The following AKT3 variants were observed in gnomAD, a reference collection of about 807,000 sequenced individuals.
AKT3 encodes the protein AKT serine/threonine kinase 3.
A neutral mutation model predicts 65.3 loss-of-function variants in AKT3; 15 were observed. The observed-to-expected ratio is 0.23, with a 90% CI of 0.15 to 0.35. The LOEUF (loss-of-function observed/expected upper bound fraction) is 0.35, where lower values mean the gene tolerates loss of function less well. AKT3 is among the 10% of genes least tolerant of loss of function. AKT3 has a pLI of 1.00. For missense variants in AKT3, 243 were observed against 576.5 expected (o/e 0.42, Z 5.92); for synonymous variants, 206 against 183.8 (o/e 1.12, Z -0.98).
chr1:243,788,291 A>G (rs1040279811), intron 2 of AKT3, among the ~76,000 whole-genome samples: 7 of 152,226 alleles, frequency 4.6e-5, no homozygotes, highest in Admixed American at 6.5e-5. Context: ...ATAATAGTAG[A>G]TGTCATGTAT....
intron 3 of AKT3, among the ~76,000 whole-genome samples, chr1:243,668,995 A>C (rs1682991132): frequency 6.6e-6 from 1 of 152,204 alleles, no homozygotes; most frequent in Non-Finnish European, 1.5e-5. Context: ...TATTCCACAA[A>C]AAATAAGCAA....
At chr1:243,612,754 T>C (rs1677962630) in intron 8 of AKT3, 1 of 152,096 alleles carries the variant, frequency 6.6e-6, no homozygotes, top group African/African-American at 2.4e-5. Context: ...AATATAGTCA[T>C]GGTAGGCCCG....
At chr1:243,657,094 G>A (rs531802639) in intron 4 of AKT3, among the ~76,000 whole-genome samples, 5 of 152,310 alleles carry the variant, frequency 3.3e-5, no homozygotes, top group South Asian at 2.1e-4. Context: ...CCCCAAAGGT[G>A]ATGGTATTAG....
At chr1:243,778,136 A>T (rs960182843) in intron 2 of AKT3, among the ~76,000 whole-genome samples, 1 of 152,194 alleles carries the variant, frequency 6.6e-6, no homozygotes, top group African/African-American at 2.4e-5. Flanking sequence ...GTCTCCATTA[A>T]AGACTATAAG....
chr1:243,692,698 A>C lies in AKT3; in HGVS notation c.172+2893T>G, dbSNP rs191907050. On this transcript the variant is annotated intron_variant, in intron 3 of 13. Coordinates refer to ENST00000673466, the MANE Select transcript of AKT3 (RefSeq NM_005465.7). The stretch of plus-strand genomic sequence containing the variant: ...GGTTGCAGTGAGCCAAGATCATGCC[A>C]TTGCACTCCAGCCCGGGGGACAGAG... 1.3e-3 allele frequency among the ~76,000 whole-genome samples: 203 copies of C among 152,136 alleles called. 1 individual carries two copies. The highest frequency in any genetic ancestry group is 4.8e-3 in the African/African-American group (198 of 41,502).
At chr1:243,518,795 A>C (rs933108101) in intron 12 of AKT3, among the ~76,000 whole-genome samples, 1 of 152,248 alleles carries the variant, frequency 6.6e-6, no homozygotes, top group Non-Finnish European at 1.5e-5. Flanking sequence ...CACAGATTTC[A>C]AAAAATTTCT....
chr1:243,513,678 T>A (rs1457853862), intron 12 of AKT3, among the ~76,000 whole-genome samples: 6 of 152,206 alleles, frequency 3.9e-5, no homozygotes, highest in African/African-American at 1.2e-4. Context: ...TCTTTCTGTT[T>A]ACCCCCAGCA....
chr1:243,515,707 C>A (rs550046576), intron 12 of AKT3, among the ~76,000 whole-genome samples: 1 of 152,082 alleles, frequency 6.6e-6, no homozygotes, highest in Non-Finnish European at 1.5e-5. Flanking sequence ...AATCTCTTTG[C>A]GGGCCAGGTG....
chr1:243,783,905 G>T (rs1209521828), intron 2 of AKT3, among the ~76,000 whole-genome samples: 2 of 152,060 alleles, frequency 1.3e-5, no homozygotes, highest in Admixed American at 6.5e-5. Flanking sequence ...ACAAATTCCA[G>T]CTTTTTAGTA....
intron 6 of AKT3, among the ~76,000 whole-genome samples, chr1:243,635,497 A>G (rs938633023): frequency 2.0e-5 from 3 of 152,008 alleles, no homozygotes; most frequent in Non-Finnish European, 2.9e-5. Context: ...GATTAACAAA[A>G]TTGATAAACC....
At chr1:243,554,845 T>A (rs1673305572) in intron 10 of AKT3, among the ~76,000 whole-genome samples, 1 of 152,034 alleles carries the variant, frequency 6.6e-6, no homozygotes, top group Non-Finnish European at 1.5e-5. Flanking sequence ...CGAACCCACA[T>A]TTCACCAGCC....
chr1:243,509,795 C>T (rs148878706), intron 13 of AKT3, among the ~76,000 whole-genome samples: 37 of 152,180 alleles, frequency 2.4e-4, no homozygotes, highest in East Asian at 1.2e-3. Flanking sequence ...CCTAAAGAGA[C>T]GGCTTCTCAG....
intron 8 of AKT3, among the ~76,000 whole-genome samples, chr1:243,601,912 GCTTCTTCTGTTTTC>G (rs926890493): frequency 1.1e-4 from 16 of 152,048 alleles, no homozygotes; most frequent in Non-Finnish European, 1.6e-4. Context: ...TACATATGTT[GCTTCTTCTGTTTTC>G]CCTCCCTTGA....
intron 2 of AKT3, among the ~76,000 whole-genome samples, chr1:243,722,894 G>A (rs1337024027): frequency 6.6e-6 from 1 of 151,938 alleles, no homozygotes; most frequent in African/African-American, 2.4e-5. Context: ...AAATTATCAA[G>A]GCCACTTTTC....
At chr1:243,682,733 A>G (rs79121570) in intron 3 of AKT3, among the ~76,000 whole-genome samples, 1 of 152,182 alleles carries the variant, frequency 6.6e-6, no homozygotes, top group Admixed American at 6.5e-5. Flanking sequence ...TTACTTTGAC[A>G]AGATGAAAAG....
chr1:243,757,952 G>A (rs369564552), intron 2 of AKT3, among the ~76,000 whole-genome samples: 14 of 152,004 alleles, frequency 9.2e-5, no homozygotes, highest in African/African-American at 2.9e-4. Context: ...CAGTAGAGAC[G>A]GAGTTTCGCC....
intron 2 of AKT3, among the ~76,000 whole-genome samples, chr1:243,790,545 T>C (rs1691563286): frequency 6.6e-6 from 1 of 152,218 alleles, no homozygotes; most frequent in Non-Finnish European, 1.5e-5. Context: ...AACTTTCTCC[T>C]TATCAGCAAT....
In AKT3 at chr1:243,804,878, T is replaced by C. The variant is rs143606342; in HGVS notation, c.46+38247A>G. ...AAAAAACAAACAAAAAAGAATATAA[T>C]ATACATTAACTGTAGTCATCATGCT... On this transcript the variant is annotated intron_variant, in intron 2 of 13. Transcript: ENST00000673466. Among the ~76,000 whole-genome samples, 229 of 151,928 alleles carry C rather than the reference T, an allele frequency of 1.5e-3. 1 individual carries two copies. The highest frequency in any genetic ancestry group is 5.3e-3 in the African/African-American group (221 of 41,438).
intron 7 of AKT3, among the ~76,000 whole-genome samples, chr1:243,614,524 T>C (rs1449808494): frequency 1.3e-5 from 2 of 152,200 alleles, no homozygotes; most frequent in Non-Finnish European, 2.9e-5. Flanking sequence ...GTTGTAGGCA[T>C]ACCATATAAT....
Sources: gnomAD v4.1 joint callset for allele counts (sites outside exome capture counted in the v4.1 genomes callset) on GRCh38, gnomAD v4.1.1 for gene constraint, MANE v1.5 for transcripts, NCBI Gene and HGNC (gene_info 2026-07-23, HGNC 2026-07-21) for gene names.